Variants in LDAH observed in about 807,000 individuals in gnomAD.
The protein encoded by LDAH is lipid droplet associated hydrolase, also known as lipid droplet-associated hydrolase.
A neutral mutation model predicts 29.6 loss-of-function variants in LDAH; 26 were observed. That is an observed-to-expected ratio of 0.88 (90% CI 0.64 to 1.22). LDAH has a LOEUF of 1.22. LDAH is among the 50% of genes most tolerant of loss of function. The pLI, the probability that LDAH is intolerant of heterozygous loss-of-function variation, is 0.00. For missense variants in LDAH, 344 were observed against 387.3 expected (o/e 0.89, Z 0.94); for synonymous variants, 117 against 133.0 (o/e 0.88, Z 0.83).
intron 3 of LDAH, among the ~76,000 whole-genome samples, chr2:20,782,227 G>A (rs1051525271): frequency 1.3e-5 from 2 of 152,170 alleles, no homozygotes; most frequent in African/African-American, 2.4e-5. Context: ...GTAGCCACCT[G>A]TGTTTTAATA....
At chr2:20,773,966 G>C (rs1357526063) in intron 4 of LDAH, among the ~76,000 whole-genome samples, 1 of 152,194 alleles carries the variant, frequency 6.6e-6, no homozygotes, top group Non-Finnish European at 1.5e-5. Flanking sequence ...CTATTGGTTA[G>C]ACTGTCTCCT....
intron 5 of LDAH, among the ~76,000 whole-genome samples, chr2:20,724,223 T>A (rs1227660984): frequency 6.6e-6 from 1 of 152,234 alleles, no homozygotes; most frequent in Non-Finnish European, 1.5e-5. Context: ...TTCATTCATC[T>A]TCTCCTCTGT....
Position 20,713,530 on chromosome 2 carries a change from C to A in LDAH, c.704-11878G>T, listed in dbSNP as rs182963861. 3.9e-3 allele frequency among the ~76,000 whole-genome samples: 575 copies of A among 145,764 alleles called. 12 individuals carry two copies. The highest frequency in any genetic ancestry group is 0.035 in the Admixed American group (509 of 14,610). ...CATAATGACAGGATCAAATTCACAC[C>A]TAACAATATTAACCTTAAATGTAAA... On this transcript the variant is annotated intron_variant, in intron 5 of 6. Coordinates refer to ENST00000237822, the MANE Select transcript of LDAH (RefSeq NM_021925.4).
rs188490396 is a variant in LDAH, at chr2:20,698,775, G to C, written c.786+2795C>G. On this transcript the variant is annotated intron_variant, in intron 6 of 6. Coordinates refer to ENST00000237822, the MANE Select transcript of LDAH (RefSeq NM_021925.4). This position sits in a 1 kb window ranked among gnomAD's most constrained non-coding sequence, Gnocchi z 4.4. Reference sequence around the variant, plus strand: ...CCATGAGTCTGTTATATTTGCTCCAGGAAAGAAAAATTATTTTAATAAAAT... The same window carrying C: ...CCATGAGTCTGTTATATTTGCTCCACGAAAGAAAAATTATTTTAATAAAAT... Among the ~76,000 whole-genome samples the C allele has an allele frequency of 2.3e-3, 352 of 152,254 alleles. No homozygotes were observed. Among genetic ancestry groups the C allele is most frequent in the Middle Eastern group, 0.014 (4 of 294 alleles).
intron 5 of LDAH, among the ~76,000 whole-genome samples, chr2:20,733,886 C>T (rs1218359241): frequency 6.6e-6 from 1 of 152,128 alleles, no homozygotes; most frequent in South Asian, 2.1e-4. Flanking sequence ...ATTTTTGACT[C>T]ATGAGTTGTT....
chr2:20,695,909 G>A (rs1194966896), intron 6 of LDAH, among the ~76,000 whole-genome samples: 1 of 152,198 alleles, frequency 6.6e-6, no homozygotes, highest in African/African-American at 2.4e-5. Flanking sequence ...GGTGGATTTG[G>A]TGTTTGAAGC....
intron 3 of LDAH, among the ~76,000 whole-genome samples, chr2:20,778,227 TG>T (rs1418447181): frequency 2.6e-5 from 4 of 152,190 alleles, no homozygotes; most frequent in African/African-American, 4.8e-5. Flanking sequence ...AATATCATAT[TG>T]ACAATTTTCT....
At chr2:20,801,976 GTA>G (rs918301094) in intron 1 of LDAH, among the ~76,000 whole-genome samples, 8 of 150,588 alleles carry the variant, frequency 5.3e-5, no homozygotes, top group Non-Finnish European at 8.9e-5. Context: ...GTGTGTGTGT[GTA>G]TGTATGAATA....
chr2:20,735,900 T>A (rs1666740263), intron 5 of LDAH, among the ~76,000 whole-genome samples: 1 of 152,062 alleles, frequency 6.6e-6, no homozygotes, highest in Non-Finnish European at 1.5e-5. Context: ...TTGCTACTTC[T>A]CCCCACATGA....
In LDAH at chr2:20,708,039, G is replaced by A. The variant is rs1664440059; in HGVS notation, c.704-6387C>T. On this transcript the variant is annotated intron_variant, in intron 5 of 6. Coordinates refer to ENST00000237822, the MANE Select transcript of LDAH (RefSeq NM_021925.4). ...TCCCCCATCACCCTCAGATGGGATT[G>A]TCTAGCTGCAGGAAAAGAAGCTCAG... is the stretch of plus-strand genomic sequence containing the variant. Among the ~76,000 whole-genome samples the A allele has an allele frequency of 3.3e-5, 5 of 152,148 alleles. No individual in the cohort carries two copies. The South Asian group carries it at 1.0e-3, about 32-fold the overall frequency.
At chr2:20,695,946 C>T (rs1412039294) in intron 6 of LDAH, among the ~76,000 whole-genome samples, 3 of 152,122 alleles carry the variant, frequency 2.0e-5, no homozygotes, top group Non-Finnish European at 4.4e-5. Flanking sequence ...GAGCCCAGCT[C>T]TCCAGCACGT....
At chr2:20,706,599 C>T (rs563189742) in intron 5 of LDAH, among the ~76,000 whole-genome samples, 99 of 151,844 alleles carry the variant, frequency 6.5e-4, no homozygotes, top group African/African-American at 2.3e-3. Context: ...AAAATCTCAA[C>T]TGAATTTTAA....
At chr2:20,702,158 G>A (rs1028923437) in intron 5 of LDAH, among the ~76,000 whole-genome samples, 3 of 151,970 alleles carry the variant, frequency 2.0e-5, no homozygotes, top group South Asian at 2.1e-4. Flanking sequence ...CATTACACTG[G>A]CTGCAAAATA....
At chr2:20,687,861 T>G (rs1662680675) in intron 6 of LDAH, among the ~76,000 whole-genome samples, 1 of 152,232 alleles carries the variant, frequency 6.6e-6, no homozygotes, top group Non-Finnish European at 1.5e-5. Context: ...AAGCAACATC[T>G]TATATTCAGA....
chr2:20,812,401 T>C (rs1386570279), intron 1 of LDAH, among the ~76,000 whole-genome samples: 1 of 152,214 alleles, frequency 6.6e-6, no homozygotes, highest in Non-Finnish European at 1.5e-5. Flanking sequence ...GAATCCTTTA[T>C]ATCTACTTCT....
chr2:20,701,209 T>C (rs1663910691), intron 6 of LDAH, among the ~76,000 whole-genome samples: 1 of 152,216 alleles, frequency 6.6e-6, no homozygotes, highest in African/African-American at 2.4e-5. Context: ...TGAGATCATA[T>C]AACATATAAT....
rs965229711 is a variant in LDAH at position 20,685,907 on chromosome 2, T to C, written c.*996A>G. 5.0e-6 allele frequency: 2 copies of C among 398,166 alleles called. No homozygotes were observed. Among genetic ancestry groups the C allele is most frequent in the Non-Finnish European group, 8.9e-6 (2 of 224,850 alleles). The allele number at this position is 398,166 out of a possible 1,614,324, so 24.7% of individuals were successfully genotyped here. On this transcript the variant is annotated 3_prime_UTR_variant, in exon 7 of 7. Coordinates refer to ENST00000237822, the MANE Select transcript of LDAH (RefSeq NM_021925.4). ...AGTTAATGCAGAAATGGAGAGTTAA[T>C]GTATGGCAATGTTTTACTGAGCAGT... is the stretch of plus-strand genomic sequence containing the variant.
At chr2:20,775,870 T>C (rs1429171957) in intron 3 of LDAH, among the ~76,000 whole-genome samples, 3 of 152,160 alleles carry the variant, frequency 2.0e-5, no homozygotes, top group Non-Finnish European at 4.4e-5. Flanking sequence ...GGCTGTGAGT[T>C]CCTTGAAGGC....
intron 1 of LDAH, among the ~76,000 whole-genome samples, chr2:20,822,294 T>A (rs560035726): frequency 7.2e-5 from 11 of 151,992 alleles, no homozygotes; most frequent in Non-Finnish European, 1.3e-4. Context: ...CCGGCTAATT[T>A]ATTTATTTAT....
Sources: allele counts gnomAD v4.1 joint callset (sites outside exome capture counted in the v4.1 genomes callset), GRCh38; gene constraint gnomAD v4.1.1; non-coding constraint Gnocchi (gnomAD v3.1); transcripts MANE v1.5; gene names NCBI Gene and HGNC (gene_info 2026-07-23, HGNC 2026-07-21).